BTD: variants seen among roughly 807,000 people sequenced by gnomAD.
BTD encodes the protein biotinidase.
BTD carries 13 observed loss-of-function variants against 17.7 expected under a neutral mutation model. The observed-to-expected ratio is 0.74, with a 90% CI of 0.48 to 1.17. The LOEUF is 1.17. BTD is among the 50% of genes most tolerant of loss of function. The pLI, the probability that BTD is intolerant of heterozygous loss-of-function variation, is 0.00. For missense variants in BTD, 674 were observed against 650.4 expected, an observed-to-expected ratio of 1.04 and a Z score of -0.39; for synonymous variants, 240 against 245.2, an observed-to-expected ratio of 0.98 and a Z score of 0.20.
chr3:15,706,727 T>C (rs2071485682), intron 3 of BTD, among the ~76,000 whole-genome samples: 1 of 152,208 alleles, frequency 6.6e-6, no homozygotes, highest in South Asian at 2.1e-4. Flanking sequence ...GTGTTCCTAT[T>C]TCTCCACATC....
rs375514403 is a variant in BTD, at chr3:15,712,233, T to C, written c.*2159T>C. The C allele has an allele frequency of 3.2e-6, 5 of 1,561,560 alleles. No homozygotes were observed. In the South Asian group the frequency reaches 3.5e-5, roughly 11 times the overall value. ...CCATGTATGCCACGCCTAAAGTTAA[T>C]AGAACAGGACAGTATCTTCATTTTA... is the stretch of plus-strand genomic sequence containing the variant. On this transcript the variant is annotated 3_prime_UTR_variant, in exon 4 of 4. Transcript: ENST00000672141.
intron 3 of BTD, chr3:15,709,608 A>G: frequency 8.6e-7 from 1 of 1,159,996 alleles, no homozygotes; most frequent in South Asian, 1.4e-5. Context: ...AGCCAGTTAG[A>G]AGGTCAATCA....
rs148501629 is a variant in BTD, at chr3:15,617,098, G to A, written c.-17+15204G>A. On this transcript the variant is annotated intron_variant, in intron 1 of 3. Coordinates refer to ENST00000643237, the MANE Select transcript of BTD (RefSeq NM_001370658.1). ...TCTGCCTGCCTTGGCCTCCCAAAGT[G>A]CTGGGATTATAGGCATGAGCCACCA... 3.5e-3 allele frequency among the ~76,000 whole-genome samples: 526 copies of A among 152,322 alleles called. 4 individuals are homozygous for A. Among genetic ancestry groups the A allele is most frequent in the Non-Finnish European group, 4.4e-3 (299 of 68,026 alleles).
At chr3:15,660,748 C>G (rs890510856) in intron 3 of BTD, among the ~76,000 whole-genome samples, 15 of 152,330 alleles carry the variant, frequency 9.8e-5, no homozygotes, top group Middle Eastern at 3.4e-3. Context: ...CTTTGCTCTT[C>G]TAAAAATCCT....
chr3:15,679,158 G>A, intron 3 of BTD: 1 of 690,084 alleles, frequency 1.4e-6, no homozygotes, highest in Non-Finnish European at 2.5e-6. Flanking sequence ...TGGTAGAGAT[G>A]CAGGTCTTGC....
chr3:15,720,194 G>A (rs1188620787), intron 4 of BTD, among the ~76,000 whole-genome samples: 1 of 151,758 alleles, frequency 6.6e-6, no homozygotes, highest in Non-Finnish European at 1.5e-5. Flanking sequence ...AAATCCAAAT[G>A]CTTACTCTTG....
rs1288424076 is a variant in BTD at position 15,650,827 on chromosome 3, T to A, written c.*5339T>A. On this transcript the variant is annotated 3_prime_UTR_variant, in exon 4 of 4. Transcript: ENST00000643237. ...CTCTGTCGCCCGGGCAGGAGTGCAA[T>A]GGCATGATCTCGGCTCACTGCAAGC... Among the ~76,000 whole-genome samples, 1 of 152,196 alleles carries A rather than the reference T, an allele frequency of 6.6e-6. No homozygotes were observed. The highest frequency in any genetic ancestry group is 2.4e-5 in the African/African-American group (1 of 41,452).
intron 1 of BTD, among the ~76,000 whole-genome samples, chr3:15,604,279 C>T (rs2064374730): frequency 6.6e-6 from 1 of 152,250 alleles, no homozygotes; most frequent in African/African-American, 2.4e-5. Flanking sequence ...CTTCTGTGCA[C>T]CTGCAGGCTC....
intron 1 of BTD, among the ~76,000 whole-genome samples, chr3:15,623,368 G>A (rs544193388): frequency 3.3e-5 from 5 of 152,178 alleles, no homozygotes; most frequent in South Asian, 2.1e-4. Flanking sequence ...CTCTTGTTTC[G>A]AATTGATATA....
intron 2 of BTD, among the ~76,000 whole-genome samples, chr3:15,638,295 C>A (rs2065405955): frequency 6.6e-6 from 1 of 152,164 alleles, no homozygotes; most frequent in Non-Finnish European, 1.5e-5. Context: ...CTTGGACTTT[C>A]CAACCCTTAC....
chr3:15,629,387 A>C (rs9882597), intron 1 of BTD, among the ~76,000 whole-genome samples: 5,548 of 152,282 alleles, frequency 0.036, 280 homozygotes, highest in African/African-American at 0.11. Context: ...CTGTGTGTTC[A>C]AGCCTTCAGG....
intron 3 of BTD, chr3:15,676,244 A>G (rs2066922393): frequency 5.5e-6 from 2 of 366,278 alleles, no homozygotes; most frequent in African/African-American, 2.1e-5. Context: ...ACCTTCACCC[A>G]ATCCTTTTGT....
chr3:15,666,946 T>C (rs2066008811), intron 3 of BTD, among the ~76,000 whole-genome samples: 1 of 152,244 alleles, frequency 6.6e-6, no homozygotes, highest in Non-Finnish European at 1.5e-5. Context: ...AATTACACTT[T>C]TATTACTTTC....
rs189885639 is a variant in BTD at position 15,645,798 on chromosome 3, A to G, written c.*310A>G. On this transcript the variant is annotated 3_prime_UTR_variant, in exon 4 of 4. Transcript: ENST00000643237. ...TCAAGCTAAAACAAAAATAAATGTC[A>G]GTTTATATTTTACACATCCACAAAG... 6.9e-4 allele frequency: 197 copies of G among 284,842 alleles called. 1 individual carries two copies. Among genetic ancestry groups the G allele is most frequent in the Middle Eastern group, 6.7e-3 (6 of 900 alleles). The allele number at this position is 284,842 out of a possible 1,614,324, so 17.6% of individuals were successfully genotyped here. A position where few individuals can be genotyped will look rare whatever the true frequency, so the allele number is the denominator to read the frequency against.
chr3:15,671,846 A>C (rs1435958793), intron 3 of BTD, among the ~76,000 whole-genome samples: 1 of 151,984 alleles, frequency 6.6e-6, no homozygotes. Context: ...CGGCCTCCCA[A>C]ATGCTGGGAT....
At chr3:15,601,458 C>G (rs147948152), upstream of BTD, 1 of 1,613,106 alleles carries the variant, frequency 6.2e-7, no homozygotes, top group Non-Finnish European at 8.5e-7. Flanking sequence ...AGTTACTGTC[C>G]GGCATCTTCC....
chr3:15,685,547 T>C (rs1407601876), intron 3 of BTD: 2 of 980,530 alleles, frequency 2.0e-6, no homozygotes, highest in African/African-American at 3.3e-5. Flanking sequence ...TCCATATCCT[T>C]CCATCAATTA....
rs939163397 is a variant in BTD at position 15,645,099 on chromosome 3, C to T, written c.1183C>T (p.Leu395Phe). ...LVPVWGKEGYLHVCSNGLCCY... is the reference protein window; with the variant it reads ...LVPVWGKEGYFHVCSNGLCCY... ...CCCTGTCTGGGGAAAGGAAGGCTAT[C>T]TCCACGTCTGTTCCAATGGCCTCTG... is the stretch of plus-strand genomic sequence containing the variant. The change falls in exon 4 of 4, where the codon CTC becomes TTC. Residue 395 changes from leucine (L) to phenylalanine (F), a missense_variant. Coordinates refer to ENST00000643237, the MANE Select transcript of BTD (RefSeq NM_001370658.1). 3 of 1,614,084 alleles carry T rather than the reference C, an allele frequency of 1.9e-6. No homozygotes were observed. The highest frequency in any genetic ancestry group is 1.7e-6 in the Non-Finnish European group (2 of 1,179,960).
chr3:15,711,992 G>C, exon 4 of BTD: 1 of 656,086 alleles, frequency 1.5e-6, no homozygotes, highest in Non-Finnish European at 2.7e-6. Context: ...CACCACGCCA[G>C]ACCTGAACCC....
Sources: gnomAD v4.1 joint callset for allele counts (sites outside exome capture counted in the v4.1 genomes callset) on GRCh38, gnomAD v4.1.1 for gene constraint, MANE v1.5 for transcripts, NCBI Gene and HGNC (gene_info 2026-07-23, HGNC 2026-07-21) for gene names.